IQSEC1: variants seen among roughly 807,000 people sequenced by gnomAD.
IQSEC1 encodes the protein IQ motif and Sec7 domain ArfGEF 1, also known as IQ motif and SEC7 domain-containing protein 1.
A neutral mutation model predicts 91.0 loss-of-function variants in IQSEC1; 31 were observed. The observed-to-expected ratio is 0.34, with a 90% CI of 0.26 to 0.46. The LOEUF (loss-of-function observed/expected upper bound fraction) is 0.46. Among genes scored for constraint, IQSEC1 ranks in the 20% least tolerant of loss-of-function variants. The pLI, the probability that IQSEC1 is intolerant of heterozygous loss-of-function variation, is 1.00. For synonymous variants in IQSEC1, 699 were observed against 662.6 expected, an observed-to-expected ratio of 1.05 and a Z score of -0.84; for missense variants, 1,388 against 1,575.6, an observed-to-expected ratio of 0.88 and a Z score of 2.02.
rs548837606 is a variant in IQSEC1 at position 13,040,150 on chromosome 3, G to A, written c.23+32842C>T. Among the ~76,000 whole-genome samples, 9 of 152,248 alleles carry A rather than the reference G, an allele frequency of 5.9e-5. No individual in the cohort carries two copies. The South Asian group carries it at 1.2e-3, about 21-fold the overall frequency. Reference sequence around the variant, plus strand: ...ACCTCTGATCATTTATGCACCATGTGAGGCTTGGTCCCACACCATACGTTT... The same window carrying A: ...ACCTCTGATCATTTATGCACCATGTAAGGCTTGGTCCCACACCATACGTTT... On this transcript the variant is annotated intron_variant, in intron 1 of 13. Transcript: ENST00000613206.
intron 1 of IQSEC1, among the ~76,000 whole-genome samples, chr3:13,047,004 A>G (rs1056333755): frequency 2.6e-5 from 4 of 152,218 alleles, no homozygotes; most frequent in Non-Finnish European, 5.9e-5. Flanking sequence ...GAAGACATCA[A>G]GATACAAAGC....
intron 2 of IQSEC1, among the ~76,000 whole-genome samples, chr3:13,118,052 T>C (rs1254184526): frequency 6.6e-6 from 1 of 152,096 alleles, no homozygotes. Flanking sequence ...CTGTAGGTAG[T>C]GTTTGCTACA....
intron 1 of IQSEC1, among the ~76,000 whole-genome samples, chr3:13,263,591 C>G (rs1283935320): frequency 6.6e-6 from 1 of 152,064 alleles, no homozygotes; most frequent in Non-Finnish European, 1.5e-5. Context: ...TGCAGGCACG[C>G]GCCACCACGC....
At chr3:12,973,276 C>T (rs1326272903) in intron 1 of IQSEC1, among the ~76,000 whole-genome samples, 1 of 152,238 alleles carries the variant, frequency 6.6e-6, no homozygotes, top group Non-Finnish European at 1.5e-5. Flanking sequence ...GCACCCTGCA[C>T]TTCCCAGCCC....
Position 13,234,247 on chromosome 3 carries a change from C to CCCCCGTGTCTGTGCCTGTGGGTGTGAGT in IQSEC1, c.272+48436_272+48463dup, listed in dbSNP as rs1266175781. ...CCGTGTCTGTGCCTGTGGGTGTGAG[C>CCCCCGTGTCTGTGCCTGTGGGTGTGAGT]CCCCGTGTCTGTGCCTGTGGGTGTG... On this transcript the variant is annotated intron_variant, in intron 1 of 15. Coordinates refer to the IQSEC1 transcript ENST00000648114. 8.1e-3 allele frequency among the ~76,000 whole-genome samples: 1,168 copies of CCCCCGTGTCTGTGCCTGTGGGTGTGAGT among 144,524 alleles called. 20 individuals carry two copies. Among genetic ancestry groups the CCCCCGTGTCTGTGCCTGTGGGTGTGAGT allele is most frequent in the African/African-American group, 0.029 (1,080 of 37,530 alleles). The allele number at this position is 144,524 out of a possible 152,430, so 94.8% of individuals were successfully genotyped here. A position where few individuals can be genotyped will look rare whatever the true frequency, so the allele number is the denominator to read the frequency against.
chr3:13,224,027 C>G (rs781299910), intron 1 of IQSEC1, among the ~76,000 whole-genome samples: 12 of 152,256 alleles, frequency 7.9e-5, no homozygotes, highest in Middle Eastern at 3.4e-3. Flanking sequence ...GCTGGGTGAC[C>G]TTGAGCAAGT....
At chr3:12,936,730 T>C (rs1005110549) in intron 2 of IQSEC1, 33 bp from the exon 3 acceptor site, 5 of 1,527,944 alleles carry the variant, frequency 3.3e-6, no homozygotes, top group Non-Finnish European at 4.4e-6. Flanking sequence ...AGAACAGCAC[T>C]GCATGTAGGC....
intron 1 of IQSEC1, among the ~76,000 whole-genome samples, chr3:13,216,745 C>T (rs1694557969): frequency 6.6e-6 from 1 of 152,216 alleles, no homozygotes; most frequent in Admixed American, 6.5e-5. Flanking sequence ...TGGGTCCAGA[C>T]AGACAGATGG....
At chr3:13,090,469 C>T (rs1476082369) in intron 2 of IQSEC1, among the ~76,000 whole-genome samples, 1 of 152,194 alleles carries the variant, frequency 6.6e-6, no homozygotes, top group East Asian at 1.9e-4. Flanking sequence ...CCCAGTGAGT[C>T]CCAGCACTCA....
chr3:13,239,216 A>G (rs1198156226), intron 1 of IQSEC1, among the ~76,000 whole-genome samples: 5 of 152,242 alleles, frequency 3.3e-5, no homozygotes, highest in African/African-American at 1.2e-4. Flanking sequence ...GCTGGCGGAC[A>G]GCGGCTCAGT....
chr3:13,119,536 G>T (rs185945656), intron 2 of IQSEC1, among the ~76,000 whole-genome samples: 365 of 152,352 alleles, frequency 2.4e-3, no homozygotes, highest in Non-Finnish European at 4.3e-3. Flanking sequence ...ACACAGTAAG[G>T]TTAGGTGGGT....
At chr3:12,930,814 C>T (rs757015487) in intron 3 of IQSEC1, among the ~76,000 whole-genome samples, 1 of 152,166 alleles carries the variant, frequency 6.6e-6, no homozygotes, top group Admixed American at 6.5e-5. Context: ...CGAGGATCTC[C>T]GTGGTCAGAG....
intron 1 of IQSEC1, among the ~76,000 whole-genome samples, chr3:13,274,576 C>T (rs1485870048): frequency 1.3e-5 from 2 of 152,246 alleles, no homozygotes; most frequent in African/African-American, 4.8e-5. Flanking sequence ...GAAGAGGGGC[C>T]CCCATCCCAA....
rs1553582651 is a variant in IQSEC1, at chr3:13,277,137, A to AC, written c.272+5573dup. Among the ~76,000 whole-genome samples, 144 of 118,360 alleles carry AC rather than the reference A, an allele frequency of 1.2e-3. 10 individuals carry two copies. The highest frequency in any genetic ancestry group is 4.0e-3 in the Middle Eastern group (1 of 250). The allele number at this position is 118,360 out of a possible 152,430, so 77.6% of individuals were successfully genotyped here. ...AAAAAAAAAAAAAAAAAAAAAAAAA[A>AC]CAGAAAACAAGACACAAAAGACCGG... On this transcript the variant is annotated intron_variant, in intron 1 of 15. Coordinates refer to the IQSEC1 transcript ENST00000648114.
chr3:13,108,087 C>T (rs1706183594), intron 2 of IQSEC1, among the ~76,000 whole-genome samples: 1 of 152,258 alleles, frequency 6.6e-6, no homozygotes, highest in South Asian at 2.1e-4. Context: ...ACCCACCAGT[C>T]TACCTTTCTG....
chr3:13,161,716 G>A (rs935867848), intron 2 of IQSEC1, among the ~76,000 whole-genome samples: 1 of 152,196 alleles, frequency 6.6e-6, no homozygotes, highest in Admixed American at 6.5e-5. Flanking sequence ...ATGTCCACAC[G>A]GCAGGGCATT....
At chr3:12,930,398 C>T (rs1246013414) in intron 3 of IQSEC1, among the ~76,000 whole-genome samples, 1 of 152,222 alleles carries the variant, frequency 6.6e-6, no homozygotes, top group Non-Finnish European at 1.5e-5. Context: ...CCCAGGTTTC[C>T]CAGCCTACCC....
At chr3:13,091,314 G>A (rs1024142702) in intron 2 of IQSEC1, among the ~76,000 whole-genome samples, 1 of 152,224 alleles carries the variant, frequency 6.6e-6, no homozygotes, top group African/African-American at 2.4e-5. Context: ...GGAGGCCAGG[G>A]GAGTCTGTTT....
At position 13,061,836 on chromosome 3, in the gene IQSEC1, C is replaced by G. The variant is rs181919125; in HGVS notation, c.23+11156G>C. 2.7e-3 allele frequency among the ~76,000 whole-genome samples: 410 copies of G among 152,376 alleles called. 5 individuals are homozygous for G. The highest frequency in any genetic ancestry group is 0.023 in the Admixed American group (355 of 15,312). ...ACACACATTTGAATTCCCCTAATTCCCAGCCCAGTGGTTCGGGGGGCTGAC... is the reference window on the plus strand; with the variant it reads ...ACACACATTTGAATTCCCCTAATTCGCAGCCCAGTGGTTCGGGGGGCTGAC... On this transcript the variant is annotated intron_variant, in intron 1 of 13. Transcript: ENST00000613206.
Sources: gnomAD v4.1 joint callset for allele counts (sites outside exome capture counted in the v4.1 genomes callset) on GRCh38, gnomAD v4.1.1 for gene constraint, MANE v1.5 for transcripts, NCBI Gene and HGNC (gene_info 2026-07-23, HGNC 2026-07-21) for gene names.